NEGR1: variants seen among roughly 807,000 people sequenced by gnomAD.
The protein encoded by NEGR1 is neuronal growth regulator 1.
NEGR1 carries 10 observed loss-of-function variants against 40.9 expected under a neutral mutation model. That is an observed-to-expected ratio of 0.24 (90% CI 0.15 to 0.42). The LOEUF (loss-of-function observed/expected upper bound fraction) is 0.42. Among genes scored for constraint, NEGR1 ranks in the 10% least tolerant of loss-of-function variants. The pLI, the probability that NEGR1 is intolerant of heterozygous loss-of-function variation, is 1.00. For missense variants in NEGR1, 352 were observed against 438.9 expected, an observed-to-expected ratio of 0.80 and a Z score of 1.77; for synonymous variants, 185 against 166.8, an observed-to-expected ratio of 1.11 and a Z score of -0.84.
chr1:72,088,822 T>G (rs1462852473), intron 1 of NEGR1, among the ~76,000 whole-genome samples: 1 of 89,550 alleles, frequency 1.1e-5, no homozygotes. Context: ...TTTTTTTTTT[T>G]TGAGACGGAA....
chr1:71,610,276 C>T (rs1356275468), intron 5 of NEGR1, among the ~76,000 whole-genome samples: 2 of 152,184 alleles, frequency 1.3e-5, no homozygotes, highest in African/African-American at 4.8e-5. Context: ...ATATTCCTCC[C>T]TAGTTTTGAC....
chr1:72,254,342 A>C (rs1196318423), intron 1 of NEGR1, among the ~76,000 whole-genome samples: 5 of 152,168 alleles, frequency 3.3e-5, no homozygotes, highest in African/African-American at 1.2e-4. Context: ...AGTCAAGTTA[A>C]AGTTCTGGAA....
intron 1 of NEGR1, among the ~76,000 whole-genome samples, chr1:72,164,603 T>C (rs1651702812): frequency 6.6e-6 from 1 of 152,084 alleles, no homozygotes; most frequent in Non-Finnish European, 1.5e-5. Context: ...TTAAATATTT[T>C]CTTTGCTTTC....
At chr1:71,735,696 A>C (rs981045556) in intron 3 of NEGR1, among the ~76,000 whole-genome samples, 2 of 152,066 alleles carry the variant, frequency 1.3e-5, no homozygotes, top group African/African-American at 4.8e-5. Flanking sequence ...ATAAAATGTA[A>C]AAGTACATAA....
intron 2 of NEGR1, among the ~76,000 whole-genome samples, chr1:71,794,851 T>C (rs1657262455): frequency 6.6e-6 from 1 of 151,878 alleles, no homozygotes; most frequent in Admixed American, 6.6e-5. Context: ...AAACAAAAGA[T>C]TAGTATTCTG....
intron 1 of NEGR1, among the ~76,000 whole-genome samples, chr1:72,101,417 G>A (rs1648933295): frequency 1.3e-5 from 2 of 152,138 alleles, no homozygotes; most frequent in African/African-American, 4.8e-5. Flanking sequence ...ATTGTTCAAT[G>A]GTAAATGTGG....
At chr1:71,974,533 G>C (rs1258618388) in intron 1 of NEGR1, among the ~76,000 whole-genome samples, 2 of 152,006 alleles carry the variant, frequency 1.3e-5, no homozygotes, top group Non-Finnish European at 2.9e-5. Context: ...AACGGCACTA[G>C]TTTTGAATAC....
chr1:71,597,472 C>CTCTCTCTCTGTGTGTGTGTG (rs756076229), intron 5 of NEGR1, among the ~76,000 whole-genome samples: 871 of 31,254 alleles, frequency 0.028, 35 homozygotes, highest in Non-Finnish European at 0.041. Context: ...CTCTCTCTCT[C>CTCTCTCTCTGTGTGTGTGTG]TGTGTGTGTG....
At chr1:71,875,290 T>C (rs947456398) in intron 2 of NEGR1, among the ~76,000 whole-genome samples, 3 of 152,194 alleles carry the variant, frequency 2.0e-5, no homozygotes, top group African/African-American at 7.2e-5. Context: ...AATTTGTCCA[T>C]TTTCTCTCTG....
chr1:72,152,112 C>T (rs905859060), intron 1 of NEGR1, among the ~76,000 whole-genome samples: 7 of 151,586 alleles, frequency 4.6e-5, no homozygotes, highest in Admixed American at 1.3e-4. Flanking sequence ...AAAATGATTA[C>T]ATATTAGAAC....
Position 72,077,167 on chromosome 1 carries a change from TAC to T in NEGR1, c.177-141858_177-141857del, listed in dbSNP as rs201221850. Among the ~76,000 whole-genome samples, 817 of 152,162 alleles carry T rather than the reference TAC, an allele frequency of 5.4e-3. 9 individuals carry two copies. The highest frequency in any genetic ancestry group is 0.019 in the African/African-American group (790 of 41,508). ...CCTCGGCCTCCCAAAGTGCTGGGAT[TAC>T]AGACATGAGCCACCGTGCCCGGCCC... On this transcript the variant is annotated intron_variant, in intron 1 of 6. Transcript: ENST00000357731.
At chr1:71,802,735 T>G (rs1377289163) in intron 2 of NEGR1, among the ~76,000 whole-genome samples, 1 of 152,210 alleles carries the variant, frequency 6.6e-6, no homozygotes, top group Non-Finnish European at 1.5e-5. Context: ...GGACTCATCA[T>G]GTCTTTCTTC....
intron 1 of NEGR1, among the ~76,000 whole-genome samples, chr1:72,179,593 T>C (rs1187980677): frequency 1.3e-5 from 2 of 152,092 alleles, no homozygotes; most frequent in Non-Finnish European, 2.9e-5. Context: ...AAGAACTGTG[T>C]TTTGCAAAGG....
At chr1:72,025,937 C>T (rs1365128637) in intron 1 of NEGR1, among the ~76,000 whole-genome samples, 3 of 150,818 alleles carry the variant, frequency 2.0e-5, no homozygotes, top group Non-Finnish European at 4.4e-5. Flanking sequence ...CGGTGAAACC[C>T]CGTCTCTACT....
In NEGR1 at chr1:71,406,532, G is replaced by A. The variant is rs1244325599; in HGVS notation, c.*914C>T. Reference sequence around the variant, plus strand: ...GAGTGGACTGTGCTGTCATTTTAAAGGGAATGATTTCCCACGGTGGATCTA... The same window carrying A: ...GAGTGGACTGTGCTGTCATTTTAAAAGGAATGATTTCCCACGGTGGATCTA... On this transcript the variant is annotated 3_prime_UTR_variant, in exon 7 of 7. Transcript: ENST00000357731. 1 of 151,958 alleles carries A rather than the reference G, an allele frequency of 6.6e-6. No individual in the cohort carries two copies. Among genetic ancestry groups the A allele is most frequent in the Non-Finnish European group, 1.5e-5 (1 of 67,910 alleles). 9.4% of individuals were successfully genotyped at this position (151,958 alleles called of 1,614,324 possible). A position where few individuals can be genotyped will look rare whatever the true frequency, so the allele number is the denominator to read the frequency against.
chr1:71,594,382 C>T (rs895905390), intron 5 of NEGR1, among the ~76,000 whole-genome samples: 4 of 151,990 alleles, frequency 2.6e-5, no homozygotes, highest in African/African-American at 9.7e-5. Flanking sequence ...ATTTGAACTC[C>T]TTTGCATTAT....
chr1:72,142,625 G>C (rs976417607), intron 1 of NEGR1, among the ~76,000 whole-genome samples: 2 of 151,760 alleles, frequency 1.3e-5, no homozygotes, highest in African/African-American at 4.8e-5. Flanking sequence ...CATATATCTT[G>C]TCTCATTTAA....
chr1:72,173,154 G>A (rs1268195339), intron 1 of NEGR1, among the ~76,000 whole-genome samples: 1 of 150,840 alleles, frequency 6.6e-6, no homozygotes, highest in African/African-American at 2.4e-5. Flanking sequence ...CTACAGGTGT[G>A]TGCCAGCACA....
chr1:71,526,948 A>C (rs1049698243), intron 6 of NEGR1, among the ~76,000 whole-genome samples: 1 of 151,504 alleles, frequency 6.6e-6, no homozygotes, highest in Non-Finnish European at 1.5e-5. Flanking sequence ...AACACACCAT[A>C]TTCTTCTATG....
Sources: allele counts gnomAD v4.1 joint callset (sites outside exome capture counted in the v4.1 genomes callset), GRCh38; gene constraint gnomAD v4.1.1; transcripts MANE v1.5; gene names NCBI Gene and HGNC (gene_info 2026-07-23, HGNC 2026-07-21).